Variants in PDE8A observed in about 807,000 individuals in gnomAD.
The protein encoded by PDE8A is high affinity cAMP-specific and IBMX-insensitive 3',5'-cyclic phosphodiesterase 8A.
Under a neutral mutation model 105.0 loss-of-function variants are expected in PDE8A, and 59 were observed. The observed-to-expected ratio is 0.56, with a 90% CI of 0.46 to 0.70. PDE8A has a LOEUF of 0.70. PDE8A is among the 30% of genes least tolerant of loss of function. The pLI, the probability that PDE8A is intolerant of heterozygous loss-of-function variation, is 0.00. For synonymous variants in PDE8A, 355 were observed against 371.9 expected (o/e 0.95, Z 0.52); for missense variants, 1,014 against 1,045.9 (o/e 0.97, Z 0.42).
Position 85,073,954 on chromosome 15 carries a change from G to C in PDE8A, c.435-1908G>C, listed in dbSNP as rs573824240. On this transcript the variant is annotated intron_variant, in intron 3 of 21. Transcript: ENST00000394553. ...CCTGGCCAGTAAGCCCTGAGGTGGCGTGTCTGCAAGGGGTCTTCCAGCAGA... is the reference window on the plus strand; with the variant it reads ...CCTGGCCAGTAAGCCCTGAGGTGGCCTGTCTGCAAGGGGTCTTCCAGCAGA... Among the ~76,000 whole-genome samples, 14 of 152,316 alleles carry C rather than the reference G, an allele frequency of 9.2e-5. No homozygotes were observed. The South Asian group carries it at 2.9e-3, about 32-fold the overall frequency.
chr15:85,074,443 T>C (rs985384781), intron 3 of PDE8A, among the ~76,000 whole-genome samples: 1 of 152,262 alleles, frequency 6.6e-6, no homozygotes, highest in African/African-American at 2.4e-5. Flanking sequence ...GGCTCACGCC[T>C]GTAATCCCAG....
intron 5 of PDE8A, among the ~76,000 whole-genome samples, chr15:85,082,292 G>A (rs2081479733): frequency 6.6e-6 from 1 of 152,042 alleles, no homozygotes; most frequent in Non-Finnish European, 1.5e-5. Flanking sequence ...TCATGCTCCT[G>A]GTCAACAGGT....
At chr15:85,081,792 G>C (rs1179672769) in intron 5 of PDE8A, among the ~76,000 whole-genome samples, 1 of 152,162 alleles carries the variant, frequency 6.6e-6, no homozygotes, top group African/African-American at 2.4e-5. Context: ...GGAGCAAGAT[G>C]CTGTACATTT....
intron 3 of PDE8A, among the ~76,000 whole-genome samples, chr15:85,072,195 C>A (rs537468706): frequency 3.3e-5 from 5 of 152,310 alleles, no homozygotes; most frequent in Admixed American, 6.5e-5. Flanking sequence ...ACTCATTCCA[C>A]ATGGCAGAGA....
chr15:85,091,117 T>G lies in PDE8A; in HGVS notation c.788T>G (p.Val263Gly). ...GELIGKELGE[V>G]PINEKKADLL... ...TTAATAGGGAAGGAGTTAGGAGAAG[T>G]GCCTATAAATGAAAAAAAGGCTGAC... is the stretch of plus-strand genomic sequence containing the variant. Residue 263 changes from valine (V) to glycine (G), a missense_variant, in exon 8 of 22, where the codon GTG becomes GGG. Val to Gly is a moderately radical substitution (Grantham distance 109). Transcript: ENST00000394553. 5 of 1,613,228 alleles carry G rather than the reference T, an allele frequency of 3.1e-6. No individual in the cohort carries two copies. The highest frequency in any genetic ancestry group is 4.2e-6 in the Non-Finnish European group (5 of 1,179,450).
chr15:85,091,167 A>T lies in PDE8A; in HGVS notation c.838A>T (p.Ile280Phe). 6.2e-7 allele frequency: 1 copy of T among 1,610,884 alleles called. No homozygotes were observed. Among genetic ancestry groups the T allele is most frequent in the Non-Finnish European group, 8.5e-7 (1 of 1,178,856 alleles). Residue 280 changes from isoleucine to phenylalanine, a missense_variant, in exon 8 of 22, where the codon ATC becomes TTC. Coordinates refer to ENST00000394553, the MANE Select transcript of PDE8A (RefSeq NM_002605.3). ...CTTGCTCGATACTATAAATTCATGC[A>T]TCAGGATAGGCAAGGTAAGTAAGAG... Reference protein sequence around the residue: ...ADLLDTINSCIRIGKEWQGIY... With the variant: ...ADLLDTINSCFRIGKEWQGIY...
chr15:85,121,453 A>T (rs995727253), intron 18 of PDE8A, among the ~76,000 whole-genome samples: 1 of 152,058 alleles, frequency 6.6e-6, no homozygotes, highest in Non-Finnish European at 1.5e-5. Flanking sequence ...TAATTATTCA[A>T]TCCCAGATTT....
intron 19 of PDE8A, 132 bp downstream of exon 19, chr15:85,123,325 G>C: frequency 3.3e-6 from 2 of 612,112 alleles, no homozygotes; most frequent in Non-Finnish European, 5.9e-6. Flanking sequence ...TACAGGGACA[G>C]AACTAATGGG....
chr15:85,136,696 C>G (rs2082416238), intron 21 of PDE8A, 33 bp downstream of exon 21: 2 of 1,600,146 alleles, frequency 1.2e-6, no homozygotes, highest in Non-Finnish European at 1.7e-6. Flanking sequence ...GCATATTTTC[C>G]TCTAAATAAT....
chr15:85,032,622 C>G (rs1165482488), intron 1 of PDE8A, among the ~76,000 whole-genome samples: 3 of 152,088 alleles, frequency 2.0e-5, no homozygotes, highest in African/African-American at 4.8e-5. Context: ...AAAGTTTAAA[C>G]ATTTCAGTGT....
intron 1 of PDE8A, among the ~76,000 whole-genome samples, chr15:85,041,951 C>G (rs1012350688): frequency 2.0e-5 from 3 of 152,070 alleles, no homozygotes; most frequent in African/African-American, 7.3e-5. Flanking sequence ...CCTCTGAAAC[C>G]CCAAGTTCCG....
At chr15:85,032,236 A>C (rs1481552814) in intron 1 of PDE8A, among the ~76,000 whole-genome samples, 1 of 152,234 alleles carries the variant, frequency 6.6e-6, no homozygotes, top group Non-Finnish European at 1.5e-5. Context: ...TTGACACCAT[A>C]GTAGAAGCTC....
At chr15:85,017,262 CAAA>C (rs11300943) in intron 1 of PDE8A, among the ~76,000 whole-genome samples, 4 of 143,622 alleles carry the variant, frequency 2.8e-5, no homozygotes, top group African/African-American at 2.5e-5. Context: ...AGCGAGACTC[CAAA>C]AAAAAAAAAA....
At chr15:85,111,876 G>A (rs894393456) in intron 12 of PDE8A, among the ~76,000 whole-genome samples, 1 of 152,124 alleles carries the variant, frequency 6.6e-6, no homozygotes, top group African/African-American at 2.4e-5. Context: ...TTACATTTTT[G>A]TTGTAGAAAT....
At chr15:85,137,686 C>A in intron 21 of PDE8A, 111 bp from the exon 22 acceptor site, 1 of 698,476 alleles carries the variant, frequency 1.4e-6, no homozygotes, top group Non-Finnish European at 2.5e-6. Context: ...GTCTGTTTAG[C>A]CTCACGCAGA....
chr15:85,136,492 A>G (rs767069551), intron 20 of PDE8A, 42 bp from the exon 21 acceptor site: 34 of 1,590,530 alleles, frequency 2.1e-5, no homozygotes, highest in Non-Finnish European at 2.8e-5. Flanking sequence ...GTGGAGTGGA[A>G]CCAGATGTTG....
intron 1 of PDE8A, among the ~76,000 whole-genome samples, chr15:85,016,236 T>G (rs1004477995): frequency 1.3e-5 from 2 of 152,262 alleles, no homozygotes; most frequent in Non-Finnish European, 2.9e-5. Context: ...TAATATCTTC[T>G]GGAGTTTGAG....
chr15:84,980,815 C>G (rs922131601), upstream of PDE8A: 1 of 152,334 alleles, frequency 6.6e-6, no homozygotes, highest in Admixed American at 6.5e-5. Context: ...GGACGCCCGA[C>G]TAGCACTTTG....
At chr15:85,023,962 T>C (rs1182475606) in intron 1 of PDE8A, among the ~76,000 whole-genome samples, 1 of 152,078 alleles carries the variant, frequency 6.6e-6, no homozygotes, top group Non-Finnish European at 1.5e-5. Flanking sequence ...GAACTGGCTG[T>C]CCACAGCCTC....
Sources: allele counts gnomAD v4.1 joint callset (sites outside exome capture counted in the v4.1 genomes callset), GRCh38; gene constraint gnomAD v4.1.1; transcripts MANE v1.5; gene names NCBI Gene and HGNC (gene_info 2026-07-23, HGNC 2026-07-21).